GABRB3: variants seen among roughly 807,000 people sequenced by gnomAD.
GABRB3 encodes gamma-aminobutyric acid receptor subunit beta-3.
GABRB3 carries 14 observed loss-of-function variants against 52.1 expected under a neutral mutation model. The observed-to-expected ratio is 0.27, with a 90% CI of 0.18 to 0.42. GABRB3 has a LOEUF of 0.42. Ranked by LOEUF, GABRB3 falls within the 10% of genes least tolerant of loss-of-function variation. The pLI is 1.00. For synonymous variants in GABRB3, 260 were observed against 232.3 expected, an observed-to-expected ratio of 1.12 and a Z score of -1.08; for missense variants, 307 against 609.1, an observed-to-expected ratio of 0.50 and a Z score of 5.22.
chr15:26,701,685 T>C (rs1488988510), intron 3 of GABRB3, among the ~76,000 whole-genome samples: 1 of 152,198 alleles, frequency 6.6e-6, no homozygotes, highest in Non-Finnish European at 1.5e-5. Flanking sequence ...TTCAAATCAA[T>C]TTTAATCAAA....
chr15:26,772,616 C>T (rs1891182090), intron 2 of GABRB3, 65 bp downstream of exon 2: 6 of 1,467,652 alleles, frequency 4.1e-6, no homozygotes, highest in Non-Finnish European at 5.5e-6. Context: ...CCCCCGCCTC[C>T]CTCCGCCCAG....
chr15:26,769,539 T>G (rs2140194953), intron 3 of GABRB3, among the ~76,000 whole-genome samples: 1 of 152,312 alleles, frequency 6.6e-6, no homozygotes, highest in Admixed American at 6.5e-5. Context: ...GGGGTTTGTC[T>G]TGCTTTTCCA....
intron 4 of GABRB3, among the ~76,000 whole-genome samples, chr15:26,593,449 C>T (rs1368795998): frequency 6.6e-6 from 1 of 152,130 alleles, no homozygotes; most frequent in Non-Finnish European, 1.5e-5. Context: ...AACTCTGTAC[C>T]TTTTAAACAA....
intron 3 of GABRB3, among the ~76,000 whole-genome samples, chr15:26,652,731 G>A (rs565881084): frequency 3.9e-5 from 6 of 152,168 alleles, no homozygotes; most frequent in African/African-American, 1.4e-4. Flanking sequence ...CAGTTTCCTA[G>A]ACCACTGAGT....
chr15:26,700,256 T>C (rs1369440904), intron 3 of GABRB3, among the ~76,000 whole-genome samples: 1 of 152,182 alleles, frequency 6.6e-6, no homozygotes, highest in Non-Finnish European at 1.5e-5. Context: ...ATGCAACAAA[T>C]TCTTCAAAGA....
In GABRB3 at chr15:26,547,184, C is replaced by G; in HGVS notation, c.*609G>C. On this transcript the variant is annotated 3_prime_UTR_variant, in exon 9 of 9. Coordinates refer to ENST00000311550, the MANE Select transcript of GABRB3 (RefSeq NM_000814.6). The stretch of plus-strand genomic sequence containing the variant: ...CACTGCCAGTGGCTCACCCCAGCCA[C>G]TAAACCATTGCAGAAAACGTATGCC... The G allele has an allele frequency of 4.6e-6, 1 of 216,352 alleles. No homozygotes were observed. Among genetic ancestry groups the G allele is most frequent in the East Asian group, 9.6e-5 (1 of 10,398 alleles). 13.4% of individuals were successfully genotyped at this position (216,352 alleles called of 1,614,324 possible).
chr15:26,657,878 C>T (rs1344537532), intron 3 of GABRB3, among the ~76,000 whole-genome samples: 1 of 152,098 alleles, frequency 6.6e-6, no homozygotes. Context: ...AACTTTAAAA[C>T]GAAGAAGATA....
At chr15:26,742,900 C>T (rs957697288) in intron 3 of GABRB3, among the ~76,000 whole-genome samples, 8 of 148,618 alleles carry the variant, frequency 5.4e-5, no homozygotes, top group Non-Finnish European at 8.9e-5. Flanking sequence ...AGCCTCCTCA[C>T]CTTATCATTA....
intron 3 of GABRB3, among the ~76,000 whole-genome samples, chr15:26,720,241 C>T (rs2065283669): frequency 6.6e-6 from 1 of 152,064 alleles, no homozygotes; most frequent in Non-Finnish European, 1.5e-5. Context: ...TTCACTGACT[C>T]TCTTTTCAGA....
At chr15:26,651,385 C>G (rs1417785675) in intron 3 of GABRB3, among the ~76,000 whole-genome samples, 1 of 152,232 alleles carries the variant, frequency 6.6e-6, no homozygotes, top group East Asian at 1.9e-4. Flanking sequence ...AATTTAACTT[C>G]AGCCTTAGTA....
chr15:26,555,452 C>T lies in GABRB3; in HGVS notation c.1080+5480G>A, dbSNP rs530076310. 3.3e-5 allele frequency among the ~76,000 whole-genome samples: 5 copies of T among 152,262 alleles called. No homozygotes were observed. The East Asian group carries it at 9.7e-4, about 29-fold the overall frequency. On this transcript the variant is annotated intron_variant, in intron 8 of 8. Transcript: ENST00000311550. ...GTATGAATCCATGTCCTGTCTTCCCCAGCGCTGTGGCCACTGTTGTGTTTG... is the reference window on the plus strand; with the variant it reads ...GTATGAATCCATGTCCTGTCTTCCCTAGCGCTGTGGCCACTGTTGTGTTTG...
chr15:26,682,374 T>C (rs1888266916), intron 3 of GABRB3, among the ~76,000 whole-genome samples: 1 of 152,160 alleles, frequency 6.6e-6, no homozygotes, highest in East Asian at 1.9e-4. Flanking sequence ...CCCCATTATT[T>C]GCTGGCACAG....
At chr15:26,611,468 T>C (rs887912113) in intron 4 of GABRB3, among the ~76,000 whole-genome samples, 3 of 152,180 alleles carry the variant, frequency 2.0e-5, no homozygotes, top group African/African-American at 7.2e-5. Context: ...AATAATTTTG[T>C]ATATAAAATA....
rs1235802940 is a variant in GABRB3, at chr15:26,580,400, T to C, written c.601A>G (p.Thr201Ala). ...FYWRGGDKAV[T>A]GVERIELPQF... is the part of the protein sequence containing the mutation. ...GGGAGCTCAATCCTTTCCACTCCGG[T>C]AACAGCCTTGTCCCCGCCTCGCCAG... Residue 201 changes from threonine to alanine, a missense_variant, in exon 6 of 9, where the codon ACC (threonine) becomes GCC (alanine). Physicochemically the swap from Thr to Ala is moderately conservative, Grantham distance 58. Transcript: ENST00000311550. 2 of 1,614,138 alleles carry C rather than the reference T, an allele frequency of 1.2e-6. No homozygotes were observed. Among genetic ancestry groups the C allele is most frequent in the Non-Finnish European group, 1.7e-6 (2 of 1,180,028 alleles).
chr15:26,767,084 G>T (rs572154827), intron 3 of GABRB3: 57 of 152,310 alleles, frequency 3.7e-4, no homozygotes, highest in African/African-American at 1.3e-3. Flanking sequence ...CAGCATTGAT[G>T]TATGATCATA....
intron 3 of GABRB3, among the ~76,000 whole-genome samples, chr15:26,651,186 G>T (rs551408116): frequency 1.4e-3 from 207 of 152,318 alleles, no homozygotes; most frequent in African/African-American, 4.6e-3. Context: ...GACAGCACCG[G>T]AACACGCCAC....
intron 3 of GABRB3, among the ~76,000 whole-genome samples, chr15:26,763,977 C>T (rs1307879431): frequency 6.6e-6 from 1 of 151,032 alleles, no homozygotes; most frequent in Admixed American, 6.6e-5. Flanking sequence ...GAAACCCCGT[C>T]TCTACTAAAA....
chr15:26,710,499 T>C (rs538294887), intron 3 of GABRB3, among the ~76,000 whole-genome samples: 1 of 152,330 alleles, frequency 6.6e-6, no homozygotes, highest in Non-Finnish European at 1.5e-5. Context: ...TAACCTCAAG[T>C]GATCCTCCCA....
At chr15:26,696,779 G>A (rs553123288) in intron 3 of GABRB3, among the ~76,000 whole-genome samples, 1 of 152,188 alleles carries the variant, frequency 6.6e-6, no homozygotes, top group Non-Finnish European at 1.5e-5. Context: ...CAGTACAATC[G>A]AGAGTACCTG....
Sources: gnomAD v4.1 joint callset for allele counts (sites outside exome capture counted in the v4.1 genomes callset) on GRCh38, gnomAD v4.1.1 for gene constraint, MANE v1.5 for transcripts, NCBI Gene and HGNC (gene_info 2026-07-23, HGNC 2026-07-21) for gene names.